The following DAZL variants were observed in gnomAD, a reference collection of about 807,000 sequenced individuals.
DAZL encodes the protein deleted in azoospermia-like.
DAZL carries 4 observed loss-of-function variants against 45.0 expected under a neutral mutation model. The ratio of observed to expected loss-of-function variants is 0.09; its 90% confidence interval spans 0.04 to 0.20. The LOEUF is 0.20. Ranked by LOEUF, DAZL falls within the 10% of genes least tolerant of loss-of-function variation. DAZL has a pLI of 1.00. For missense variants in DAZL, 326 were observed against 351.3 expected, an observed-to-expected ratio of 0.93 and a Z score of 0.58; for synonymous variants, 122 against 112.4, an observed-to-expected ratio of 1.09 and a Z score of -0.54.
At chr3:16,599,560 A>G (rs376871785) in intron 1 of DAZL, among the ~76,000 whole-genome samples, 1 of 152,198 alleles carries the variant, frequency 6.6e-6, no homozygotes, top group East Asian at 1.9e-4. Flanking sequence ...TTTTGAAATA[A>G]CATTTTTCTT....
chr3:16,597,847 TGAA>T lies in DAZL; in HGVS notation c.242+237_242+239del, dbSNP rs1344171784. 7.9e-5 allele frequency among the ~76,000 whole-genome samples: 12 copies of T among 152,176 alleles called. 1 individual carries two copies. On this transcript the variant is annotated intron_variant, in intron 3 of 10. Transcript: ENST00000399444. ...AAAATTTAAGATACTGTGCAATGTA[TGAA>T]GAAAACAGTTCTTTGAGAAAACTGA...
intron 1 of DAZL, among the ~76,000 whole-genome samples, chr3:16,602,781 T>C (rs1694712211): frequency 6.6e-6 from 1 of 152,228 alleles, no homozygotes; most frequent in South Asian, 2.1e-4. Context: ...AGAGACATCT[T>C]ATTTTCTATC....
intron 1 of DAZL, among the ~76,000 whole-genome samples, chr3:16,603,222 G>A (rs1389386768): frequency 6.6e-6 from 1 of 152,150 alleles, no homozygotes; most frequent in Non-Finnish European, 1.5e-5. Context: ...ATACTAATGA[G>A]GGGTGTAACT....
rs1204485018 is a variant in DAZL at position 16,588,582 on chromosome 3, A to G, written c.*78T>C. 1 of 1,166,744 alleles carries G rather than the reference A, an allele frequency of 8.6e-7. No homozygotes were observed. The highest frequency in any genetic ancestry group is 1.3e-6 in the Non-Finnish European group (1 of 774,354). 72.3% of individuals were successfully genotyped at this position (1,166,744 alleles called of 1,614,324 possible). A position where few individuals can be genotyped will look rare whatever the true frequency, so the allele number is the denominator to read the frequency against. ...TGAGTGTGATTTACCAAAATTCAGA[A>G]TTTCTATAATAGTGGAAACCTTTTA... On this transcript the variant is annotated 3_prime_UTR_variant, in exon 11 of 11. Transcript: ENST00000399444.
At chr3:16,604,318 C>T in intron 1 of DAZL, 1 of 872,266 alleles carries the variant, frequency 1.1e-6, no homozygotes, top group South Asian at 1.7e-5. Context: ...CACAAAAACG[C>T]ACACCCAACG....
intron 1 of DAZL, among the ~76,000 whole-genome samples, chr3:16,602,090 A>G (rs1052342769): frequency 6.6e-6 from 1 of 152,208 alleles, no homozygotes; most frequent in Non-Finnish European, 1.5e-5. Flanking sequence ...TCAAAACTTT[A>G]AGTAAATCCA....
intron 9 of DAZL, among the ~76,000 whole-genome samples, chr3:16,593,322 T>A (rs975781225): frequency 6.6e-6 from 1 of 152,210 alleles, no homozygotes; most frequent in Non-Finnish European, 1.5e-5. Flanking sequence ...AACCTTTACA[T>A]TAACTGCTGA....
Position 16,598,481 on chromosome 3 carries a change from T to C in DAZL, c.121A>G (p.Thr41Ala), listed in dbSNP as rs1406075160. 14 of 1,609,018 alleles carry C rather than the reference T, an allele frequency of 8.7e-6. No individual in the cohort carries two copies. The highest frequency in any genetic ancestry group is 1.2e-5 in the Non-Finnish European group (14 of 1,178,184). ...ILPEGKIMPN[T>A]VFVGGIDVRM... ...ACATCAATTCCTCCAACAAAAACAG[T>C]GTTTGGCATGATTTTGCCTTCTGGT... The change falls in exon 2 of 11, where the codon ACT becomes GCT. Residue 41 changes from threonine to alanine, a missense_variant. By Grantham distance (58) the Thr-to-Ala change is moderately conservative (BLOSUM62 0). Around this residue, in one of 3 missense-constraint regions of DAZL, gnomAD observed 81 missense variants for 89.6 expected, o/e 0.90. Transcript: ENST00000399444.
chr3:16,593,574 G>A (rs1694553437), intron 9 of DAZL, 81 bp downstream of exon 9: 1 of 916,064 alleles, frequency 1.1e-6, no homozygotes, highest in South Asian at 1.6e-5. Flanking sequence ...TTCTGCTGAA[G>A]GATGATTGCT....
intron 3 of DAZL, among the ~76,000 whole-genome samples, 159 bp downstream of exon 3, chr3:16,597,928 A>G (rs1694625186): frequency 6.6e-6 from 1 of 152,250 alleles, no homozygotes. Flanking sequence ...CAAACATTAG[A>G]AAAATGATTA....
chr3:16,604,583 T>C, intron 1 of DAZL: 1 of 1,411,504 alleles, frequency 7.1e-7, no homozygotes, highest in Non-Finnish European at 9.2e-7. Flanking sequence ...GGGCCATGCC[T>C]TCAGGACGCC....
At position 16,588,704 on chromosome 3, in the gene DAZL, C is replaced by A; in HGVS notation, c.844G>T (p.Val282Leu). 1 of 1,611,292 alleles carries A rather than the reference C, an allele frequency of 6.2e-7. No individual in the cohort carries two copies. Among genetic ancestry groups the A allele is most frequent in the South Asian group, 1.1e-5 (1 of 91,012 alleles). ...GCCCGACTTCTTCTAAAGTGATGCA[C>A]TCTTTTATCCTGGAAAAGACAGAAA... is the stretch of plus-strand genomic sequence containing the variant. ...TQDDYFKDKR[V>L]HHFRRSRAML... The change falls in exon 11 of 11, where the codon GTG becomes TTG. Residue 282 changes from valine (V) to leucine (L), a missense_variant. By Grantham distance (32) the Val-to-Leu change is conservative. Coordinates refer to ENST00000399444, the MANE Select transcript of DAZL (RefSeq NM_001351.4).
intron 9 of DAZL, among the ~76,000 whole-genome samples, chr3:16,592,576 A>G (rs1316318978): frequency 1.9e-4 from 29 of 150,192 alleles, no homozygotes; most frequent in Middle Eastern, 3.4e-3. Context: ...CTTGGGGAAA[A>G]AAAAAAAAAA....
chr3:16,604,771 G>A lies in DAZL; in HGVS notation c.3+432C>T, dbSNP rs941552934. 64 of 1,362,732 alleles carry A rather than the reference G, an allele frequency of 4.7e-5. No individual in the cohort carries two copies. In the Middle Eastern group the frequency reaches 1.1e-3, roughly 23 times the overall value. 84.4% of individuals were successfully genotyped at this position (1,362,732 alleles called of 1,614,324 possible). ...GAGCGCGCCAGAAATGAGGCTGGCGGGGCGGAGGCGCGTGGGAGTGGGGGA... is the reference window on the plus strand; with the variant it reads ...GAGCGCGCCAGAAATGAGGCTGGCGAGGCGGAGGCGCGTGGGAGTGGGGGA... On this transcript the variant is annotated intron_variant, in intron 1 of 10. Transcript: ENST00000399444.
In DAZL at chr3:16,600,981, C is replaced by A. The variant is rs542234840; in HGVS notation, c.4-2383G>T. 2.6e-5 allele frequency among the ~76,000 whole-genome samples: 4 copies of A among 152,294 alleles called. No individual in the cohort carries two copies. In the Middle Eastern group the frequency reaches 0.014, roughly 518 times the overall value. ...GATGGGCTGAAGGCCAGGAATACTA[C>A]TGCACATCCTACAATGCAAAGAAAG... On this transcript the variant is annotated intron_variant, in intron 1 of 10. Transcript: ENST00000399444.
At chr3:16,591,920 T>C in intron 10 of DAZL, 130 bp downstream of exon 10, 1 of 1,069,956 alleles carries the variant, frequency 9.3e-7, no homozygotes, top group Non-Finnish European at 1.4e-6. Context: ...TGGTTTACTG[T>C]GTTATAGTCA....
At chr3:16,603,346 T>C (rs1183462058) in intron 1 of DAZL, among the ~76,000 whole-genome samples, 5 of 135,516 alleles carry the variant, frequency 3.7e-5, no homozygotes, top group African/African-American at 1.0e-4. Context: ...AGGATATTCA[T>C]AGCATTTTTT....
At chr3:16,597,466 A>G in intron 4 of DAZL, 24 bp downstream of exon 4, 6 of 1,389,176 alleles carry the variant, frequency 4.3e-6, no homozygotes, top group Non-Finnish European at 6.2e-6. Context: ...TAAACAAATG[A>G]GATTTTTCTA....
intron 8 of DAZL, 63 bp from the exon 9 acceptor site, chr3:16,593,831 T>C: frequency 9.3e-7 from 1 of 1,075,606 alleles, no homozygotes; most frequent in Admixed American, 2.0e-5. Context: ...AAGCCACTTA[T>C]TCTTCAAAAA....
Sources: allele counts gnomAD v4.1 joint callset (sites outside exome capture counted in the v4.1 genomes callset), GRCh38; gene constraint gnomAD v4.1.1; regional missense constraint gnomAD v4.1.1; transcripts MANE v1.5; gene names NCBI Gene and HGNC (gene_info 2026-07-23, HGNC 2026-07-21).